TEF: variants seen among roughly 807,000 people sequenced by gnomAD.
TEF encodes the protein thyrotroph embryonic factor.
A neutral mutation model predicts 20.8 loss-of-function variants in TEF; 3 were observed. That is an observed-to-expected ratio of 0.14 (90% CI 0.07 to 0.37). The LOEUF (loss-of-function observed/expected upper bound fraction) is 0.37. TEF is among the 10% of genes least tolerant of loss of function. The pLI is 1.00. For synonymous variants in TEF, 180 were observed against 171.1 expected (o/e 1.05, Z -0.41); for missense variants, 296 against 397.9 (o/e 0.74, Z 2.18).
upstream of TEF, among the ~76,000 whole-genome samples, chr22:41,380,982 G>A (rs1173961900): frequency 6.6e-6 from 1 of 152,266 alleles, no homozygotes; most frequent in African/African-American, 2.4e-5. Context: ...ACAAGCTCCA[G>A]TGAAGCAACC....
chr22:41,373,121 T>A (rs972528707), intron 1 of TEF, among the ~76,000 whole-genome samples: 1 of 152,120 alleles, frequency 6.6e-6, no homozygotes, highest in Non-Finnish European at 1.5e-5. Flanking sequence ...GGGGAGAAAT[T>A]AGGTATCCCC....
intron 1 of TEF, among the ~76,000 whole-genome samples, chr22:41,372,860 G>A (rs74647448): frequency 0.016 from 2,414 of 152,162 alleles, 59 homozygotes; most frequent in African/African-American, 0.055. Flanking sequence ...CCAGCTACCC[G>A]AGGAACTTTC....
chr22:41,378,574 G>T (rs2036976437), upstream of TEF, among the ~76,000 whole-genome samples: 1 of 152,064 alleles, frequency 6.6e-6, no homozygotes, highest in South Asian at 2.1e-4. Flanking sequence ...TCGATCTCCT[G>T]ATCTTGTGAT....
intron 1 of TEF, among the ~76,000 whole-genome samples, chr22:41,384,799 C>G (rs1310879780): frequency 6.6e-6 from 1 of 152,052 alleles, no homozygotes; most frequent in African/African-American, 2.4e-5. Flanking sequence ...GTTGTCCAGG[C>G]TGGAGTGTAG....
chr22:41,379,696 C>T (rs1282230420), upstream of TEF, among the ~76,000 whole-genome samples: 1 of 151,980 alleles, frequency 6.6e-6, no homozygotes, highest in African/African-American at 2.4e-5. Context: ...GAAACCCCGT[C>T]TCTACCAAAA....
intron 1 of TEF, 25 bp downstream of exon 1, chr22:41,382,226 C>T (rs2037038520): frequency 4.6e-6 from 2 of 434,762 alleles, no homozygotes; most frequent in East Asian, 1.6e-4. Context: ...GTGGTCCGCG[C>T]GGGCTGGGGG....
At chr22:41,377,448 C>G (rs562148657), upstream of TEF, among the ~76,000 whole-genome samples, 58 of 152,096 alleles carry the variant, frequency 3.8e-4, no homozygotes, top group Non-Finnish European at 7.2e-4. Context: ...ATAACATGTT[C>G]TTCTTATGGG....
intron 1 of TEF, among the ~76,000 whole-genome samples, chr22:41,369,710 G>A (rs2036858498): frequency 6.6e-6 from 1 of 152,144 alleles, no homozygotes; most frequent in African/African-American, 2.4e-5. Flanking sequence ...TTGCCATCAG[G>A]GACCATGTAC....
At chr22:41,381,433 C>A (rs983637152), upstream of TEF, among the ~76,000 whole-genome samples, 6 of 152,148 alleles carry the variant, frequency 3.9e-5, no homozygotes, top group Non-Finnish European at 1.5e-5. Flanking sequence ...GACTCGGCTG[C>A]GGCTCCACGT....
chr22:41,385,898 T>C (rs2037091914), intron 1 of TEF, among the ~76,000 whole-genome samples: 1 of 152,090 alleles, frequency 6.6e-6, no homozygotes, highest in South Asian at 2.1e-4. Flanking sequence ...TTGGCCAGGC[T>C]GGTCTCAAAC....
Position 41,376,456 on chromosome 22 carries a change from G to A in TEF, c.67+8857G>A, listed in dbSNP as rs575179584. 3.2e-3 allele frequency among the ~76,000 whole-genome samples: 485 copies of A among 152,326 alleles called. 1 individual carries two copies. Among genetic ancestry groups the A allele is most frequent in the Non-Finnish European group, 4.9e-3 (331 of 68,038 alleles). On this transcript the variant is annotated intron_variant, in intron 1 of 3. Transcript: ENST00000406644. Reference sequence around the variant, plus strand: ...TTGGCCAGGCTGGTCTTGAACTGCTGGCCTTAAGTGAGCCATCCGCCTCGG... The same window carrying A: ...TTGGCCAGGCTGGTCTTGAACTGCTAGCCTTAAGTGAGCCATCCGCCTCGG...
chr22:41,370,178 T>G, intron 1 of TEF: 1 of 837,414 alleles, frequency 1.2e-6, no homozygotes, highest in Non-Finnish European at 1.4e-6. Flanking sequence ...GCAGTGGTGC[T>G]ATCTCGGCTC....
chr22:41,368,929 G>A (rs1238367936), intron 1 of TEF, among the ~76,000 whole-genome samples: 1 of 152,206 alleles, frequency 6.6e-6, no homozygotes, highest in Non-Finnish European at 1.5e-5. Context: ...CCACAAACAA[G>A]CCACAGCTGA....
At chr22:41,394,537 C>T (rs2037205611) in intron 3 of TEF, among the ~76,000 whole-genome samples, 1 of 152,238 alleles carries the variant, frequency 6.6e-6, no homozygotes, top group South Asian at 2.1e-4. Flanking sequence ...AGTTTCTCTC[C>T]TTCCCCGGGC....
chr22:41,396,044 G>A lies in TEF; in HGVS notation c.*84G>A. The A allele has an allele frequency of 7.0e-7, 1 of 1,436,828 alleles. No homozygotes were observed. Among genetic ancestry groups the A allele is most frequent in the Non-Finnish European group, 9.5e-7 (1 of 1,054,228 alleles). 89.0% of individuals were successfully genotyped at this position (1,436,828 alleles called of 1,614,324 possible). A position where few individuals can be genotyped will look rare whatever the true frequency, so the allele number is the denominator to read the frequency against. Reference sequence around the variant, plus strand: ...CCCTGTAACCCCTCACACGCGTGGAGACTTATGACTCGTCGTGGGCGCATG... The same window carrying A: ...CCCTGTAACCCCTCACACGCGTGGAAACTTATGACTCGTCGTGGGCGCATG... On this transcript the variant is annotated 3_prime_UTR_variant, in exon 4 of 4. Transcript: ENST00000266304.
intron 2 of TEF, among the ~76,000 whole-genome samples, chr22:41,391,497 G>A (rs923471828): frequency 6.6e-6 from 1 of 151,760 alleles, no homozygotes; most frequent in Non-Finnish European, 1.5e-5. Flanking sequence ...TGTATTTTTA[G>A]TAGAGACGGG....
intron 1 of TEF, among the ~76,000 whole-genome samples, chr22:41,374,665 A>G (rs2036919573): frequency 6.6e-6 from 1 of 151,572 alleles, no homozygotes; most frequent in African/African-American, 2.4e-5. Flanking sequence ...GCAGTGAGCT[A>G]TGACAGCATC....
chr22:41,368,253 A>G (rs572011908), intron 1 of TEF, among the ~76,000 whole-genome samples: 1 of 150,830 alleles, frequency 6.6e-6, no homozygotes, highest in East Asian at 1.9e-4. Flanking sequence ...GGCGGAGAAT[A>G]CTGATAAATC....
chr22:41,391,900 T>C (rs542078131), intron 2 of TEF, among the ~76,000 whole-genome samples: 93 of 152,318 alleles, frequency 6.1e-4, no homozygotes, highest in African/African-American at 2.1e-3. Flanking sequence ...AGATTACAGG[T>C]GTGCACCACC....
Sources: gnomAD v4.1 joint callset for allele counts (sites outside exome capture counted in the v4.1 genomes callset) on GRCh38, gnomAD v4.1.1 for gene constraint, MANE v1.5 for transcripts, NCBI Gene and HGNC (gene_info 2026-07-23, HGNC 2026-07-21) for gene names.